Variants in MACROD2 observed in about 807,000 individuals in gnomAD.
MACROD2 encodes the protein mono-ADP ribosylhydrolase 2.
Under a neutral mutation model 70.4 loss-of-function variants are expected in MACROD2, and 36 were observed. The ratio of observed to expected loss-of-function variants is 0.51; its 90% confidence interval spans 0.39 to 0.68. The LOEUF (loss-of-function observed/expected upper bound fraction) is 0.68. Ranked by LOEUF, MACROD2 falls within the 30% of genes least tolerant of loss-of-function variation. MACROD2 has a pLI of 0.00. For missense variants in MACROD2, 496 were observed against 538.4 expected, an observed-to-expected ratio of 0.92 and a Z score of 0.78; for synonymous variants, 172 against 178.8, an observed-to-expected ratio of 0.96 and a Z score of 0.30.
intron 8 of MACROD2, among the ~76,000 whole-genome samples, chr20:15,772,091 A>AAC (rs2051639586): frequency 1.1e-5 from 1 of 94,962 alleles, no homozygotes; most frequent in Non-Finnish European, 1.9e-5. Context: ...TCTCAAAAAA[A>AAC]AAAAAAAAAA....
At chr20:15,357,138 C>G (rs2078297271) in intron 6 of MACROD2, among the ~76,000 whole-genome samples, 1 of 151,958 alleles carries the variant, frequency 6.6e-6, no homozygotes, top group Non-Finnish European at 1.5e-5. Flanking sequence ...TGTCTTAGAA[C>G]AATTCTAGTT....
At chr20:16,045,123 A>G (rs1003384893) in intron 17 of MACROD2, among the ~76,000 whole-genome samples, 11 of 152,042 alleles carry the variant, frequency 7.2e-5, no homozygotes, top group African/African-American at 2.4e-4. Flanking sequence ...TTTTCACACC[A>G]CTACCTGTGG....
intron 7 of MACROD2, among the ~76,000 whole-genome samples, chr20:15,462,156 G>T (rs2046828401): frequency 6.6e-6 from 1 of 152,102 alleles, no homozygotes; most frequent in Non-Finnish European, 1.5e-5. Context: ...CCAATTTTGG[G>T]AATATTCTAC....
At chr20:14,144,020 G>GT (rs1862561273) in intron 3 of MACROD2, among the ~76,000 whole-genome samples, 1 of 151,344 alleles carries the variant, frequency 6.6e-6, no homozygotes, top group Non-Finnish European at 1.5e-5. Flanking sequence ...TTCTATCTTT[G>GT]TTTTTTATGA....
intron 5 of MACROD2, among the ~76,000 whole-genome samples, chr20:15,045,452 A>G (rs1440458470): frequency 6.6e-6 from 1 of 152,170 alleles, no homozygotes. Context: ...CGGGGGAGAA[A>G]GAGTGCTTGC....
At position 15,183,685 on chromosome 20, in the gene MACROD2, T is replaced by C. The variant is rs59354450; in HGVS notation, c.419-46255T>C. Among the ~76,000 whole-genome samples, 890 of 152,330 alleles carry C rather than the reference T, an allele frequency of 5.8e-3. 9 individuals are homozygous for C. Among genetic ancestry groups the C allele is most frequent in the African/African-American group, 0.021 (857 of 41,564 alleles). ...ACCTCCTGATGTCCATTGCAATGGCTAGACCAGCAACATTGTCTTAAGCCC... is the reference window on the plus strand; with the variant it reads ...ACCTCCTGATGTCCATTGCAATGGCCAGACCAGCAACATTGTCTTAAGCCC... On this transcript the variant is annotated intron_variant, in intron 5 of 17. Coordinates refer to ENST00000684519, the MANE Select transcript of MACROD2 (RefSeq NM_001351661.2).
intron 6 of MACROD2, among the ~76,000 whole-genome samples, chr20:15,308,153 G>A (rs2077716044): frequency 6.6e-6 from 1 of 152,090 alleles, no homozygotes; most frequent in Admixed American, 6.6e-5. Flanking sequence ...TTATCTTTTT[G>A]TAATTAATTT....
chr20:14,565,191 A>G (rs796262067), intron 4 of MACROD2, among the ~76,000 whole-genome samples: 4 of 151,930 alleles, frequency 2.6e-5, no homozygotes, highest in African/African-American at 9.6e-5. Flanking sequence ...AATGGTGGGA[A>G]GATGGGAAGG....
chr20:14,315,717 G>A (rs890274291), intron 3 of MACROD2, among the ~76,000 whole-genome samples: 1 of 152,170 alleles, frequency 6.6e-6, no homozygotes, highest in African/African-American at 2.4e-5. Flanking sequence ...AACAAAACCT[G>A]TAAAGTACTT....
intron 8 of MACROD2, among the ~76,000 whole-genome samples, chr20:15,766,948 C>T (rs1477635167): frequency 6.6e-6 from 1 of 152,186 alleles, no homozygotes; most frequent in African/African-American, 2.4e-5. Context: ...TTGCACAACA[C>T]TTTTCATGTC....
At chr20:14,488,180 A>G (rs1303718998) in intron 3 of MACROD2, among the ~76,000 whole-genome samples, 2 of 152,226 alleles carry the variant, frequency 1.3e-5, no homozygotes, top group Non-Finnish European at 2.9e-5. Flanking sequence ...TGTCAAAGAC[A>G]AGTTAAAACT....
At chr20:15,202,964 C>T (rs920916448) in intron 5 of MACROD2, among the ~76,000 whole-genome samples, 2 of 152,084 alleles carry the variant, frequency 1.3e-5, no homozygotes, top group African/African-American at 4.8e-5. Flanking sequence ...TTCCTGGCAA[C>T]AGTGAACTTA....
At chr20:15,277,533 T>G (rs142567170) in intron 6 of MACROD2, among the ~76,000 whole-genome samples, 2 of 152,222 alleles carry the variant, frequency 1.3e-5, no homozygotes, top group East Asian at 3.9e-4. Flanking sequence ...TGGAATCACC[T>G]GTGATCTTGT....
At chr20:15,953,056 G>A (rs1364337700) in intron 12 of MACROD2, among the ~76,000 whole-genome samples, 2 of 152,112 alleles carry the variant, frequency 1.3e-5, no homozygotes, top group African/African-American at 4.8e-5. Context: ...CCTGTCATTC[G>A]TGGCAACATG....
At chr20:14,737,351 C>T (rs769620190) in intron 5 of MACROD2, among the ~76,000 whole-genome samples, 1 of 152,122 alleles carries the variant, frequency 6.6e-6, no homozygotes, top group Non-Finnish European at 1.5e-5. Flanking sequence ...TCCAGTCTGT[C>T]ATTGATGGGC....
chr20:14,757,684 C>A lies in MACROD2; in HGVS notation c.418+72725C>A. The A allele has an allele frequency of 1.4e-6, 2 of 1,418,922 alleles. 1 individual carries two copies. 87.9% of individuals were successfully genotyped at this position (1,418,922 alleles called of 1,614,324 possible). On this transcript the variant is annotated intron_variant, in intron 5 of 17. Coordinates refer to ENST00000684519, the MANE Select transcript of MACROD2 (RefSeq NM_001351661.2). The stretch of plus-strand genomic sequence containing the variant: ...AGCTGTCAGACAAGAATGTGTCCAA[C>A]CTTCCTGTCATAAAGGCCATGCAGT...
chr20:14,346,207 A>G (rs1461619961), intron 3 of MACROD2, among the ~76,000 whole-genome samples: 1 of 152,084 alleles, frequency 6.6e-6, no homozygotes, highest in Non-Finnish European at 1.5e-5. Flanking sequence ...TTATCACAAA[A>G]ACAATAATGA....
chr20:15,325,090 A>T (rs1187729409), intron 6 of MACROD2, among the ~76,000 whole-genome samples: 1 of 150,662 alleles, frequency 6.6e-6, no homozygotes, highest in Non-Finnish European at 1.5e-5. Context: ...ACAGGGTAGA[A>T]TGCTAACTGT....
Position 13,995,863 on chromosome 20 carries a change from C to CG in MACROD2, c.46+59dup. On this transcript the variant is annotated intron_variant, in intron 1 of 17. Coordinates refer to ENST00000684519, the MANE Select transcript of MACROD2 (RefSeq NM_001351661.2). The surrounding 1 kb of genome is among the most constrained non-coding windows in gnomAD (Gnocchi z 4.3). ...CGGGCGGTGGGGGTTAGGGTGGGGG[C>CG]GGGGGTCAGGCTGTGTGTGCCGCGG... 3.6e-5 allele frequency: 15 copies of CG among 412,900 alleles called. No homozygotes were observed. The highest frequency in any genetic ancestry group is 5.1e-5 in the Non-Finnish European group (11 of 215,378). 25.6% of individuals were successfully genotyped at this position (412,900 alleles called of 1,614,324 possible). A position where few individuals can be genotyped will look rare whatever the true frequency, so the allele number is the denominator to read the frequency against.
Sources: gnomAD v4.1 joint callset for allele counts (sites outside exome capture counted in the v4.1 genomes callset) on GRCh38, gnomAD v4.1.1 for gene constraint, Gnocchi (gnomAD v3.1) non-coding constraint, MANE v1.5 for transcripts, NCBI Gene and HGNC (gene_info 2026-07-23, HGNC 2026-07-21) for gene names.